Variants in ACACB observed in about 807,000 individuals in gnomAD.
ACACB encodes acetyl-CoA carboxylase beta.
ACACB carries 209 observed loss-of-function variants against 278.8 expected under a neutral mutation model. That is an observed-to-expected ratio of 0.75 (90% confidence interval 0.67 to 0.84). The LOEUF (loss-of-function observed/expected upper bound fraction) is 0.84, where lower values mean the gene tolerates loss of function less well. Among genes scored for constraint, ACACB ranks in the 40% least tolerant of loss-of-function variants. ACACB has a pLI of 0.00. For synonymous variants in ACACB, 1,174 were observed against 1,285.6 expected (o/e 0.91, Z 1.86); for missense variants, 2,850 against 3,269.0 (o/e 0.87, Z 3.13).
chr12:109,209,175 G>C lies in ACACB; in HGVS notation c.3071G>C (p.Trp1024Ser), dbSNP rs1378984891. The C allele has an allele frequency of 5.6e-6, 9 of 1,600,378 alleles. No individual in the cohort carries two copies. The South Asian group carries it at 9.0e-5, about 16-fold the overall frequency. The stretch of plus-strand genomic sequence containing the variant: ...TGGTCCCCGCTTCAGCTGAAGGAGT[G>C]GGTGCAGAAGCTCATGATGACCCTC... Reference protein sequence around the residue: ...EPVFSIKLKEWVQKLMMTLRH... With the variant: ...EPVFSIKLKESVQKLMMTLRH... Residue 1024 changes from tryptophan to serine, a missense_variant, in exon 21 of 53, where the codon TGG becomes TCG. Around this residue, in one of 3 missense-constraint regions of ACACB, gnomAD observed 2,265 missense variants for 2,561.3 expected, o/e 0.88. Coordinates refer to ENST00000338432, the MANE Select transcript of ACACB (RefSeq NM_001093.4).
chr12:109,142,570 C>CT (rs1226909143), intron 2 of ACACB, among the ~76,000 whole-genome samples: 8 of 151,850 alleles, frequency 5.3e-5, no homozygotes, highest in African/African-American at 1.5e-4. Context: ...TTTCTTTCTT[C>CT]TTTTTTTATT....
intron 24 of ACACB, among the ~76,000 whole-genome samples, chr12:109,220,788 C>T (rs955617430): frequency 1.3e-5 from 2 of 152,172 alleles, no homozygotes; most frequent in African/African-American, 4.8e-5. Context: ...CTCTTGGCCT[C>T]AGATGATTTG....
intron 1 of ACACB, among the ~76,000 whole-genome samples, chr12:109,128,344 A>G (rs540803012): frequency 1.5e-4 from 22 of 148,100 alleles, no homozygotes; most frequent in African/African-American, 5.2e-4. Context: ...ATTTTATTTT[A>G]TTTTATTTTT....
intron 43 of ACACB, 75 bp downstream of exon 43, chr12:109,253,233 C>A: frequency 7.1e-7 from 1 of 1,413,774 alleles, no homozygotes; most frequent in Non-Finnish European, 9.4e-7. Flanking sequence ...TCCCTGTCAC[C>A]TCCTGGGTGG....
chr12:109,163,811 G>C (rs961599176), intron 2 of ACACB, among the ~76,000 whole-genome samples: 1 of 152,018 alleles, frequency 6.6e-6, no homozygotes, highest in Admixed American at 6.6e-5. Context: ...CACCATGCCC[G>C]GCTAATTTTT....
intron 37 of ACACB, among the ~76,000 whole-genome samples, chr12:109,244,286 T>G (rs1056969777): frequency 6.6e-6 from 1 of 152,316 alleles, no homozygotes; most frequent in Non-Finnish European, 1.5e-5. Context: ...AGCTGCTCTT[T>G]AGAGTAACTC....
intron 7 of ACACB, among the ~76,000 whole-genome samples, chr12:109,175,418 T>C (rs960114552): frequency 2.6e-5 from 4 of 152,080 alleles, no homozygotes; most frequent in Non-Finnish European, 4.4e-5. Flanking sequence ...CTTTCCTTTT[T>C]TGTTGTTTTG....
At chr12:109,217,017 C>T in intron 24 of ACACB, 97 bp downstream of exon 24, 1 of 1,460,900 alleles carries the variant, frequency 6.8e-7, no homozygotes, top group Non-Finnish European at 9.2e-7. Context: ...TGCGGTGGCT[C>T]ATGCCTGTAA....
rs1216772156 is a variant in ACACB at position 109,247,147 on chromosome 12, A to G, written c.5572-459A>G. Reference sequence around the variant, plus strand: ...CAGCTTGCCATAAAAGGCAAGATGAATGAGGGAAGCGCACGCATTCTGTGA... The same window carrying G: ...CAGCTTGCCATAAAAGGCAAGATGAGTGAGGGAAGCGCACGCATTCTGTGA... On this transcript the variant is annotated intron_variant, in intron 39 of 52. Transcript: ENST00000338432. Among the ~76,000 whole-genome samples, 3 of 152,218 alleles carry G rather than the reference A, an allele frequency of 2.0e-5. No homozygotes were observed. The East Asian group carries it at 5.8e-4, about 29-fold the overall frequency.
chr12:109,130,407 G>A (rs989810207), intron 1 of ACACB, among the ~76,000 whole-genome samples: 3 of 152,218 alleles, frequency 2.0e-5, no homozygotes, highest in African/African-American at 7.2e-5. Flanking sequence ...GACCAAACAA[G>A]GTGCCCGGTG....
intron 24 of ACACB, among the ~76,000 whole-genome samples, 190 bp from the exon 25 acceptor site, chr12:109,222,317 A>AGTGAG (rs2046192389): frequency 1.1e-5 from 1 of 92,710 alleles, no homozygotes; most frequent in African/African-American, 4.3e-5. Flanking sequence ...GAGTGAGTGA[A>AGTGAG]TGAATGACTG....
At chr12:109,233,174 C>T (rs2046526475) in intron 29 of ACACB, among the ~76,000 whole-genome samples, 1 of 152,170 alleles carries the variant, frequency 6.6e-6, no homozygotes, top group Non-Finnish European at 1.5e-5. Flanking sequence ...ATAAAGGACT[C>T]ACTTCATAGG....
In ACACB at chr12:109,242,593, G is replaced by A; in HGVS notation, c.5178+1G>A. 2 of 1,613,970 alleles carry A rather than the reference G, an allele frequency of 1.2e-6. No individual in the cohort carries two copies. Among genetic ancestry groups the A allele is most frequent in the Non-Finnish European group, 1.7e-6 (2 of 1,179,894 alleles). On this transcript the variant is annotated splice_donor_variant, in intron 37 of 52. Transcript: ENST00000338432. LOFTEE classifies it high-confidence loss of function. The stretch of plus-strand genomic sequence containing the variant: ...TGACTTCCCGGAAATGTTCAGGCAG[G>A]CAAGTCCGGCGGCTCAGACGCGGTA...
chr12:109,198,777 C>T (rs115718608), intron 17 of ACACB, among the ~76,000 whole-genome samples: 11,798 of 152,044 alleles, frequency 0.078, 922 homozygotes, highest in African/African-American at 0.2. Context: ...TATGCTACCA[C>T]GCCCAGCTAT....
At chr12:109,129,138 G>A (rs1329598058) in intron 1 of ACACB, among the ~76,000 whole-genome samples, 1 of 152,088 alleles carries the variant, frequency 6.6e-6, no homozygotes, top group Non-Finnish European at 1.5e-5. Flanking sequence ...AATGGATACA[G>A]ATTTAAAAAC....
chr12:109,253,753 T>C (rs1565976290), intron 43 of ACACB, among the ~76,000 whole-genome samples: 1 of 152,104 alleles, frequency 6.6e-6, no homozygotes, highest in African/African-American at 2.4e-5. Flanking sequence ...TTCTGAGAGG[T>C]TGGGTTTACA....
At chr12:109,148,873 C>A (rs573572958) in intron 2 of ACACB, among the ~76,000 whole-genome samples, 1 of 152,112 alleles carries the variant, frequency 6.6e-6, no homozygotes, top group Admixed American at 6.6e-5. Context: ...AGTAAATAAT[C>A]ATTTTATGTG....
At chr12:109,253,223 T>G (rs1056686697) in intron 43 of ACACB, 65 bp downstream of exon 43, 1 of 1,440,300 alleles carries the variant, frequency 6.9e-7, no homozygotes, top group African/African-American at 1.4e-5. Context: ...GCTAATTCTG[T>G]CCCTGTCACC....
Position 109,265,219 on chromosome 12 carries a change from G to A in ACACB, c.7052G>A (p.Ser2351Asn), listed in dbSNP as rs1457429304. 3.1e-6 allele frequency: 5 copies of A among 1,613,600 alleles called. No homozygotes were observed. Among genetic ancestry groups the A allele is most frequent in the African/African-American group, 1.3e-5 (1 of 74,950 alleles). The change falls in exon 51 of 53, where the codon AGT becomes AAT. Residue 2351 changes from serine (S) to asparagine (N), a missense_variant. Physicochemically the swap from Ser to Asn is conservative, Grantham distance 46 (BLOSUM62 1). This residue lies in a region of ACACB where 579 missense variants were observed against 684.6 expected (regional missense o/e 0.85). Coordinates refer to ENST00000338432, the MANE Select transcript of ACACB (RefSeq NM_001093.4). ...QEILQASGELSHVHIQSMLRR... is the reference protein window; with the variant it reads ...QEILQASGELNHVHIQSMLRR... ...ATCCTGCAGGCCAGCGGGGAGCTGA[G>A]TCACGTGCATATCCAGTCCATGCTG...
Sources: allele counts gnomAD v4.1 joint callset (sites outside exome capture counted in the v4.1 genomes callset), GRCh38; gene constraint gnomAD v4.1.1; regional missense constraint gnomAD v4.1.1; transcripts MANE v1.5; gene names NCBI Gene and HGNC (gene_info 2026-07-23, HGNC 2026-07-21).